MR1: variants seen among roughly 807,000 people sequenced by gnomAD.
MR1 encodes the protein major histocompatibility complex class I-related protein 1.
MR1 carries 44 observed loss-of-function variants against 37.8 expected under a neutral mutation model. That is an observed-to-expected ratio of 1.16 (90% CI 0.91 to 1.50). The LOEUF (loss-of-function observed/expected upper bound fraction) is 1.50. Ranked by LOEUF, MR1 falls within the 40% of genes most tolerant of loss-of-function variation. The pLI, the probability that MR1 is intolerant of heterozygous loss-of-function variation, is 0.00. For synonymous variants in MR1, 153 were observed against 155.8 expected (o/e 0.98, Z 0.13); for missense variants, 386 against 419.1 (o/e 0.92, Z 0.69).
In MR1 at chr1:181,053,647, G is replaced by C. The variant is rs1321574055; in HGVS notation, c.955G>C (p.Gly319Arg). ...CCTTGTCATTGTGCTGGCTGGAGTTGGTGTTCTAGTCTGGAGAAGAAGGCC... is the reference window on the plus strand; with the variant it reads ...CCTTGTCATTGTGCTGGCTGGAGTTCGTGTTCTAGTCTGGAGAAGAAGGCC... ...IVLVIVLAGVGVLVWRRRPRE... is the reference protein window; with the variant it reads ...IVLVIVLAGVRVLVWRRRPRE... The change falls in exon 5 of 6, where the codon GGT (glycine) becomes CGT (arginine). Residue 319 changes from glycine (G) to arginine (R), a missense_variant. Physicochemically the swap from Gly to Arg is moderately radical, Grantham distance 125. Coordinates refer to ENST00000367580, the MANE Select transcript of MR1 (RefSeq NM_001385161.1). The C allele has an allele frequency of 6.2e-7, 1 of 1,613,870 alleles. No individual in the cohort carries two copies. The highest frequency in any genetic ancestry group is 1.7e-5 in the Admixed American group (1 of 60,014).
intron 1 of MR1, among the ~76,000 whole-genome samples, chr1:181,047,415 A>T (rs1193241588): frequency 6.6e-6 from 1 of 152,092 alleles, no homozygotes; most frequent in East Asian, 1.9e-4. Context: ...CCTGACTAAC[A>T]TGGCAAAACC....
intron 1 of MR1, among the ~76,000 whole-genome samples, chr1:181,041,703 A>G (rs961963889): frequency 6.6e-6 from 1 of 151,658 alleles, no homozygotes; most frequent in African/African-American, 2.4e-5. Flanking sequence ...TGTCTCCCCA[A>G]CTCCTTGCAG....
At position 181,052,274 on chromosome 1, in the gene MR1, C is replaced by A. The variant is rs567682945; in HGVS notation, c.644C>A (p.Pro215Gln). ...AGAGTAAATCGCAAAGAAACTTTTC[C>A]AGGGGTTACAGCTCTCTTCTGCAAA... ...LVRVNRKETF[P>Q]GVTALFCKAH... The change falls in exon 4 of 6, where the codon CCA becomes CAA. Residue 215 changes from proline to glutamine, a missense_variant. Physicochemically the swap from Pro to Gln is moderately conservative, Grantham distance 76. Transcript: ENST00000367580. 9.3e-6 allele frequency: 15 copies of A among 1,614,160 alleles called. No individual in the cohort carries two copies. Among genetic ancestry groups the A allele is most frequent in the Non-Finnish European group, 1.2e-5 (14 of 1,180,024 alleles).
At chr1:181,041,516 G>A (rs1270929937) in intron 1 of MR1, among the ~76,000 whole-genome samples, 3 of 152,026 alleles carry the variant, frequency 2.0e-5, no homozygotes, top group Admixed American at 6.5e-5. Context: ...TCTGCTCTCC[G>A]TGGGGATTTT....
At chr1:181,034,980 A>G (rs1438181578) in intron 1 of MR1, among the ~76,000 whole-genome samples, 1 of 152,164 alleles carries the variant, frequency 6.6e-6, no homozygotes, top group East Asian at 1.9e-4. Flanking sequence ...GCATGTGTAC[A>G]TCATAAATTT....
chr1:181,049,345 A>G, intron 2 of MR1, 33 bp downstream of exon 2: 1 of 1,592,374 alleles, frequency 6.3e-7, no homozygotes, highest in Non-Finnish European at 8.6e-7. Flanking sequence ...CGCTTCCCCC[A>G]TCCCACCCCA....
At position 181,056,515 on chromosome 1, in the gene MR1, A is replaced by T. The variant is rs915307587; in HGVS notation, c.*1250A>T. 4 of 152,046 alleles carry T rather than the reference A, an allele frequency of 2.6e-5. No homozygotes were observed. Among genetic ancestry groups the T allele is most frequent in the African/African-American group, 9.7e-5 (4 of 41,360 alleles). The allele number at this position is 152,046 out of a possible 1,614,324, so 9.4% of individuals were successfully genotyped here. ...TCCTACATAGGTTGTCTTCATACAT[A>T]TGCACTGGGAATCAATAAAAGCCCA... On this transcript the variant is annotated 3_prime_UTR_variant, in exon 6 of 6. Transcript: ENST00000367580.
chr1:181,051,548 C>T (rs1204564148), intron 3 of MR1, among the ~76,000 whole-genome samples: 4 of 152,006 alleles, frequency 2.6e-5, no homozygotes, highest in African/African-American at 7.3e-5. Context: ...CCTTTGGTCT[C>T]GGTATGGCTG....
rs1171896714 is a variant in MR1, at chr1:181,057,689, A to C, written c.*2424A>C. 1.3e-5 allele frequency: 2 copies of C among 152,290 alleles called. No individual in the cohort carries two copies. Among genetic ancestry groups the C allele is most frequent in the East Asian group, 1.9e-4 (1 of 5,184 alleles). 9.4% of individuals were successfully genotyped at this position (152,290 alleles called of 1,614,324 possible). ...CTTCCTGGGGGATTTTATAATACTA[A>C]AAGAATCATAATATAAAGAGATGAT... On this transcript the variant is annotated 3_prime_UTR_variant, in exon 6 of 6. Coordinates refer to ENST00000367580, the MANE Select transcript of MR1 (RefSeq NM_001385161.1).
rs752378539 is a variant in MR1 at position 181,050,063 on chromosome 1, C to CAT, written c.382_383insTA (p.Thr128IlefsTer16). 1.5e-4 allele frequency: 242 copies of CAT among 1,613,714 alleles called. 1 individual carries two copies. The South Asian group carries it at 2.5e-3, about 16-fold the overall frequency. On this transcript the variant is annotated frameshift_variant, in exon 3 of 6. Transcript: ENST00000367580. LOFTEE classifies it high-confidence loss of function. ...GCTGTGAGCTGCTGGAGGATGGAAGCACCACAGGATTTCTGCAGTATGCAT... is the reference window on the plus strand; with the variant it reads ...GCTGTGAGCTGCTGGAGGATGGAAGCATACCACAGGATTTCTGCAGTATGCAT...
intron 1 of MR1, among the ~76,000 whole-genome samples, chr1:181,047,564 A>C (rs1026280799): frequency 2.6e-5 from 4 of 151,838 alleles, no homozygotes; most frequent in African/African-American, 9.7e-5. Flanking sequence ...ACGCCACTGC[A>C]CTCCAGCCTG....
At chr1:181,046,848 C>T (rs775693277) in intron 1 of MR1, among the ~76,000 whole-genome samples, 1 of 151,854 alleles carries the variant, frequency 6.6e-6, no homozygotes, top group African/African-American at 2.4e-5. Flanking sequence ...CAACTCCAGA[C>T]GCACCGCCTT....
At position 181,057,120 on chromosome 1, in the gene MR1, CA is replaced by C. The variant is rs11290542; in HGVS notation, c.*1866del. ...GGGCAACGGAGCAAGACTCTGTCTC[CA>C]AAAAAAAAAAGAAAGATACCCTCAG... On this transcript the variant is annotated 3_prime_UTR_variant, in exon 6 of 6. Coordinates refer to ENST00000367580, the MANE Select transcript of MR1 (RefSeq NM_001385161.1). The C allele has an allele frequency of 0.64, 96,086 of 149,388 alleles. 31,245 individuals carry two copies. Among genetic ancestry groups the C allele is most frequent in the East Asian group, 0.92 (4,666 of 5,090 alleles). The allele number at this position is 149,388 out of a possible 1,614,324, so 9.3% of individuals were successfully genotyped here.
intron 4 of MR1, 63 bp from the exon 5 acceptor site, chr1:181,053,510 C>T: frequency 2.3e-6 from 3 of 1,305,728 alleles, no homozygotes; most frequent in South Asian, 2.4e-5. Context: ...GACAAAAGTC[C>T]CAGAAAGTTA....
intron 1 of MR1, among the ~76,000 whole-genome samples, chr1:181,039,890 A>G (rs1304128732): frequency 1.3e-5 from 2 of 151,914 alleles, no homozygotes; most frequent in Non-Finnish European, 2.9e-5. Context: ...AAGAAAAAAG[A>G]AAAGAAAAAT....
rs770752498 is a variant in MR1, at chr1:181,049,257, G to C, written c.273G>C (p.Trp91Cys). The change falls in exon 2 of 6, where the codon TGG becomes TGC. Residue 91 changes from tryptophan (W) to cysteine (C), a missense_variant. By Grantham distance (215) the Trp-to-Cys change is radical. Transcript: ENST00000367580. ...WERYTQLLRG[W>C]QQMFKVELKR... ...GGTACACTCAGCTGCTGAGGGGCTG[G>C]CAGCAGATGTTCAAGGTGGAACTGA... 3 of 1,614,184 alleles carry C rather than the reference G, an allele frequency of 1.9e-6. No homozygotes were observed. In the East Asian group the frequency reaches 6.7e-5, roughly 36 times the overall value.
At chr1:181,042,607 G>A (rs1488402643) in intron 1 of MR1, among the ~76,000 whole-genome samples, 1 of 151,262 alleles carries the variant, frequency 6.6e-6, no homozygotes, top group South Asian at 2.1e-4. Context: ...TTCAAGACCA[G>A]CCTGGCCAAC....
chr1:181,045,875 C>T (rs1160547282), intron 1 of MR1, among the ~76,000 whole-genome samples: 3 of 152,196 alleles, frequency 2.0e-5, no homozygotes, highest in South Asian at 2.1e-4. Flanking sequence ...GCGGCGCTTG[C>T]GGGCCAGCTG....
At chr1:181,049,893 C>A in intron 2 of MR1, 118 bp from the exon 3 acceptor site, 2 of 1,211,224 alleles carry the variant, frequency 1.7e-6, no homozygotes, top group African/African-American at 1.5e-5. Flanking sequence ...CCATGGCAGG[C>A]CTGGGGGGTG....
Sources: allele counts gnomAD v4.1 joint callset (sites outside exome capture counted in the v4.1 genomes callset), GRCh38; gene constraint gnomAD v4.1.1; transcripts MANE v1.5; gene names NCBI Gene and HGNC (gene_info 2026-07-23, HGNC 2026-07-21).